The following CDH13 variants were observed in gnomAD, a reference collection of about 807,000 sequenced individuals.
The protein encoded by CDH13 is cadherin-13.
A neutral mutation model predicts 63.8 loss-of-function variants in CDH13; 24 were observed. That is an observed-to-expected ratio of 0.38 (90% CI 0.27 to 0.53). The LOEUF (loss-of-function observed/expected upper bound fraction) is 0.53. CDH13 is among the 20% of genes least tolerant of loss of function. The pLI, the probability that CDH13 is intolerant of heterozygous loss-of-function variation, is 0.85. For missense variants in CDH13, 1,049 were observed against 903.1 expected, an observed-to-expected ratio of 1.16 and a Z score of -2.07; for synonymous variants, 503 against 355.3, an observed-to-expected ratio of 1.42 and a Z score of -4.67.
At chr16:83,010,005 C>G (rs1311547867) in intron 2 of CDH13, among the ~76,000 whole-genome samples, 1 of 151,938 alleles carries the variant, frequency 6.6e-6, no homozygotes. Flanking sequence ...CATGGCGGCA[C>G]ACGCCTGTAA....
At chr16:83,480,790 C>T (rs2073742107) in intron 6 of CDH13, among the ~76,000 whole-genome samples, 1 of 152,154 alleles carries the variant, frequency 6.6e-6, no homozygotes, top group Admixed American at 6.5e-5. Context: ...ACTAAAGAAT[C>T]TTCAATGGAA....
intron 1 of CDH13, among the ~76,000 whole-genome samples, chr16:82,721,677 A>G (rs1156509982): frequency 3.3e-5 from 5 of 152,108 alleles, no homozygotes; most frequent in African/African-American, 4.8e-5. Flanking sequence ...GACAGAGAGA[A>G]CTTGTGCCAG....
At chr16:82,973,402 C>T (rs1360067777) in intron 2 of CDH13, among the ~76,000 whole-genome samples, 6 of 152,204 alleles carry the variant, frequency 3.9e-5, no homozygotes, top group Non-Finnish European at 8.8e-5. Flanking sequence ...TAAGTGTCAG[C>T]TCATATGAGA....
chr16:83,226,493 A>G (rs1343147829), intron 5 of CDH13, among the ~76,000 whole-genome samples: 1 of 152,168 alleles, frequency 6.6e-6, no homozygotes, highest in Non-Finnish European at 1.5e-5. Context: ...TGGTCTTTGC[A>G]CCTGTGGCAC....
At chr16:82,749,155 G>C (rs1013428671) in intron 1 of CDH13, among the ~76,000 whole-genome samples, 1 of 152,052 alleles carries the variant, frequency 6.6e-6, no homozygotes, top group Non-Finnish European at 1.5e-5. Context: ...GAAATGCAGA[G>C]AGAAAGAGAG....
At position 83,780,165 on chromosome 16, in the gene CDH13, G is replaced by A; in HGVS notation, c.1879G>A (p.Val627Ile). The A allele has an allele frequency of 1.2e-6, 2 of 1,608,776 alleles. No individual in the cohort carries two copies. Among genetic ancestry groups the A allele is most frequent in the Non-Finnish European group, 8.5e-7 (1 of 1,177,262 alleles). Reference protein sequence around the residue: ...PFKFEIHKQAVPDKVWKISKI... With the variant: ...PFKFEIHKQAIPDKVWKISKI... ...CAAATTTGAAATCCACAAACAAGCT[G>A]TTCCTGATAAAGTCTGGAAGATCTC... The change falls in exon 12 of 14, where the codon GTT becomes ATT. Residue 627 changes from valine to isoleucine, a missense_variant. By Grantham distance (29) the Val-to-Ile change is conservative. Transcript: ENST00000567109.
At chr16:83,546,719 C>G (rs940937650) in intron 7 of CDH13, among the ~76,000 whole-genome samples, 2 of 152,138 alleles carry the variant, frequency 1.3e-5, no homozygotes, top group Non-Finnish European at 1.5e-5. Context: ...TCCCTGACCT[C>G]AGAGTAAACA....
At chr16:83,522,000 T>G (rs986527608) in intron 7 of CDH13, among the ~76,000 whole-genome samples, 1 of 152,178 alleles carries the variant, frequency 6.6e-6, no homozygotes, top group Non-Finnish European at 1.5e-5. Flanking sequence ...ATGTGAGGGA[T>G]GGAGAGATGA....
At chr16:82,993,589 A>G (rs1911888490) in intron 2 of CDH13, among the ~76,000 whole-genome samples, 1 of 152,222 alleles carries the variant, frequency 6.6e-6, no homozygotes, top group Admixed American at 6.5e-5. Context: ...TTTTGGATTA[A>G]TAGCAAATAA....
At chr16:83,505,929 T>G (rs1214488045) in intron 7 of CDH13, among the ~76,000 whole-genome samples, 1 of 152,176 alleles carries the variant, frequency 6.6e-6, no homozygotes, top group Admixed American at 6.5e-5. Context: ...CCTTCAACAT[T>G]CCATAACGTG....
chr16:82,765,731 A>T (rs932753058), intron 1 of CDH13, among the ~76,000 whole-genome samples: 1 of 152,206 alleles, frequency 6.6e-6, no homozygotes, highest in African/African-American at 2.4e-5. Flanking sequence ...AGTATTTCAC[A>T]GTCTAACTCT....
chr16:83,315,745 C>A (rs1567585972), intron 5 of CDH13, among the ~76,000 whole-genome samples: 1 of 151,806 alleles, frequency 6.6e-6, no homozygotes, highest in African/African-American at 2.4e-5. Flanking sequence ...TTAAACAAGG[C>A]CCTTAGGTGA....
chr16:82,997,608 A>G (rs1258410906), intron 2 of CDH13, among the ~76,000 whole-genome samples: 1 of 152,162 alleles, frequency 6.6e-6, no homozygotes, highest in East Asian at 1.9e-4. Flanking sequence ...TTTATACTTG[A>G]TGAAACAAGC....
chr16:83,776,366 G>A (rs963217492), intron 11 of CDH13, among the ~76,000 whole-genome samples: 1 of 152,104 alleles, frequency 6.6e-6, no homozygotes, highest in Admixed American at 6.5e-5. Flanking sequence ...TTAACTAAAT[G>A]ACTAAAACTG....
intron 2 of CDH13, among the ~76,000 whole-genome samples, chr16:83,013,744 C>G (rs983831514): frequency 6.6e-6 from 1 of 152,154 alleles, no homozygotes; most frequent in African/African-American, 2.4e-5. Context: ...TGGTGAGTGG[C>G]TACTGTTTGT....
chr16:83,251,021 T>C (rs1905464000), intron 5 of CDH13, among the ~76,000 whole-genome samples: 1 of 151,978 alleles, frequency 6.6e-6, no homozygotes, highest in African/African-American at 2.4e-5. Flanking sequence ...CTGCTCCTCA[T>C]CCCCCAGCCA....
At chr16:83,686,169 C>A (rs1228601485) in intron 10 of CDH13, among the ~76,000 whole-genome samples, 1 of 152,204 alleles carries the variant, frequency 6.6e-6, no homozygotes, top group Non-Finnish European at 1.5e-5. Context: ...TTCCTCCGTA[C>A]CACTGCGCCT....
intron 11 of CDH13, among the ~76,000 whole-genome samples, chr16:83,768,099 G>A (rs1375792512): frequency 1.3e-5 from 2 of 152,046 alleles, no homozygotes; most frequent in African/African-American, 2.4e-5. Flanking sequence ...TTATTTTAAT[G>A]TTAATTACCT....
At chr16:83,737,947 C>G (rs1911691894) in intron 10 of CDH13, among the ~76,000 whole-genome samples, 1 of 152,186 alleles carries the variant, frequency 6.6e-6, no homozygotes, top group South Asian at 2.1e-4. Flanking sequence ...GTGGTAATAT[C>G]TACCTCCCAG....
Sources: gnomAD v4.1 joint callset for allele counts (sites outside exome capture counted in the v4.1 genomes callset) on GRCh38, gnomAD v4.1.1 for gene constraint, MANE v1.5 for transcripts, NCBI Gene and HGNC (gene_info 2026-07-23, HGNC 2026-07-21) for gene names.